HSPA12A: variants seen among roughly 807,000 people sequenced by gnomAD.
HSPA12A encodes the protein heat shock 70 kDa protein 12A.
A neutral mutation model predicts 69.2 loss-of-function variants in HSPA12A; 28 were observed. That is an observed-to-expected ratio of 0.40 (90% CI 0.30 to 0.55). The LOEUF is 0.55. Ranked by LOEUF, HSPA12A falls within the 20% of genes least tolerant of loss-of-function variation. HSPA12A has a pLI of 0.38. For missense variants in HSPA12A, 686 were observed against 900.7 expected (o/e 0.76, Z 3.05); for synonymous variants, 345 against 370.5 (o/e 0.93, Z 0.79).
chr10:116,691,913 C>T (rs1440695287), intron 6 of HSPA12A, among the ~76,000 whole-genome samples: 1 of 152,236 alleles, frequency 6.6e-6, no homozygotes, highest in Non-Finnish European at 1.5e-5. Flanking sequence ...TCAGCCTCCA[C>T]ACCAAGCTGA....
chr10:116,850,002 C>T, upstream of HSPA12A: 1 of 616,680 alleles, frequency 1.6e-6, no homozygotes, highest in Non-Finnish European at 2.9e-6. Context: ...AGCCCAGGGG[C>T]TGGCAGGCTT....
chr10:116,795,160 A>C (rs1844790236), intron 2 of HSPA12A, among the ~76,000 whole-genome samples: 1 of 152,136 alleles, frequency 6.6e-6, no homozygotes, highest in Admixed American at 6.6e-5. Flanking sequence ...CATACCCCCA[A>C]ATGCAACATG....
intron 2 of HSPA12A, among the ~76,000 whole-genome samples, chr10:116,761,577 A>AT (rs1301528113): frequency 8.6e-5 from 13 of 151,592 alleles, no homozygotes; most frequent in African/African-American, 3.2e-4. Flanking sequence ...AAGTAAAAAA[A>AT]ATAAAAAAAA....
At chr10:116,810,600 G>C (rs1031707228) in intron 2 of HSPA12A, among the ~76,000 whole-genome samples, 2 of 152,210 alleles carry the variant, frequency 1.3e-5, no homozygotes, top group African/African-American at 4.8e-5. Flanking sequence ...GTCTAACCCA[G>C]TGGTTCTCAA....
chr10:116,838,735 G>A (rs1372055640), intron 1 of HSPA12A, among the ~76,000 whole-genome samples: 1 of 152,174 alleles, frequency 6.6e-6, no homozygotes, highest in East Asian at 1.9e-4. Context: ...TAAAGATGCT[G>A]GGGCTTGCTT....
At chr10:116,764,585 T>C (rs1266622082) in intron 2 of HSPA12A, among the ~76,000 whole-genome samples, 2 of 152,192 alleles carry the variant, frequency 1.3e-5, no homozygotes, top group African/African-American at 4.8e-5. Flanking sequence ...AGCCATACAC[T>C]AGAAACTAAC....
At chr10:116,776,211 G>A (rs1844334105) in intron 2 of HSPA12A, among the ~76,000 whole-genome samples, 4 of 152,206 alleles carry the variant, frequency 2.6e-5, no homozygotes, top group Admixed American at 2.6e-4. Context: ...GACACAGGCA[G>A]GTGTCATGGG....
At chr10:116,738,039 C>T (rs898341517) in intron 1 of HSPA12A, among the ~76,000 whole-genome samples, 17 of 152,214 alleles carry the variant, frequency 1.1e-4, no homozygotes, top group Non-Finnish European at 2.2e-4. Context: ...GCCCCTGATT[C>T]CTCCCCGCTG....
At chr10:116,732,167 C>T (rs539934093) in intron 1 of HSPA12A, among the ~76,000 whole-genome samples, 3 of 151,942 alleles carry the variant, frequency 2.0e-5, no homozygotes, top group South Asian at 2.1e-4. Context: ...GCCGTCTCTA[C>T]TAAAACTACA....
intron 1 of HSPA12A, among the ~76,000 whole-genome samples, chr10:116,712,340 T>C (rs1340807822): frequency 6.6e-6 from 1 of 152,152 alleles, no homozygotes; most frequent in Non-Finnish European, 1.5e-5. Context: ...GAAAATATTT[T>C]TGCAGCAATG....
intron 1 of HSPA12A, among the ~76,000 whole-genome samples, chr10:116,736,454 G>A (rs1851318669): frequency 6.6e-6 from 1 of 152,150 alleles, no homozygotes; most frequent in African/African-American, 2.4e-5. Context: ...ATAGCCCCCT[G>A]GTACCGATGA....
chr10:116,757,703 T>C (rs574166525), intron 2 of HSPA12A, among the ~76,000 whole-genome samples: 1 of 152,330 alleles, frequency 6.6e-6, no homozygotes, highest in Admixed American at 6.5e-5. Context: ...TTTGGTCACC[T>C]GTAAAATGGG....
exon 2 of HSPA12A, chr10:116,834,970 A>G: frequency 3.2e-6 from 4 of 1,231,692 alleles, no homozygotes; most frequent in Non-Finnish European, 4.1e-6. Context: ...ATCACACTTC[A>G]TTTTGTTCTT....
At chr10:116,733,125 A>G (rs1851213046) in intron 1 of HSPA12A, among the ~76,000 whole-genome samples, 1 of 152,186 alleles carries the variant, frequency 6.6e-6, no homozygotes, top group Admixed American at 6.5e-5. Context: ...ACTGACTACA[A>G]GCAGTTGTTT....
At chr10:116,747,662 C>G (rs1051178792) in intron 2 of HSPA12A, among the ~76,000 whole-genome samples, 2 of 152,170 alleles carry the variant, frequency 1.3e-5, no homozygotes, top group African/African-American at 4.8e-5. Flanking sequence ...GCAGTAGGTA[C>G]TCAGTAAATG....
chr10:116,848,118 CA>C, intron 1 of HSPA12A, among the ~76,000 whole-genome samples: 1 of 152,322 alleles, frequency 6.6e-6, no homozygotes, highest in South Asian at 2.1e-4. Context: ...AGGGTTCACT[CA>C]ACACCTATTC....
chr10:116,727,304 C>T (rs1850998151), intron 1 of HSPA12A, among the ~76,000 whole-genome samples: 1 of 152,144 alleles, frequency 6.6e-6, no homozygotes, highest in South Asian at 2.1e-4. Context: ...TCATTCATGT[C>T]CATGTTCACC....
At chr10:116,786,227 C>T (rs1304611235) in intron 2 of HSPA12A, among the ~76,000 whole-genome samples, 11 of 152,328 alleles carry the variant, frequency 7.2e-5, no homozygotes, top group Non-Finnish European at 4.4e-5. Context: ...GTGGTAAATA[C>T]TTCTTAAAAT....
At chr10:116,744,181 A>C (rs1851596223), upstream of HSPA12A, among the ~76,000 whole-genome samples, 1 of 151,140 alleles carries the variant, frequency 6.6e-6, no homozygotes. Flanking sequence ...CCTCTCACCC[A>C]CCCCTGCTTC....
Sources: gnomAD v4.1 joint callset for allele counts (sites outside exome capture counted in the v4.1 genomes callset) on GRCh38, gnomAD v4.1.1 for gene constraint, MANE v1.5 for transcripts, NCBI Gene and HGNC (gene_info 2026-07-23, HGNC 2026-07-21) for gene names.